Variants in MEF2C observed in about 807,000 individuals in gnomAD.
The protein encoded by MEF2C is myocyte enhancer factor 2C.
Under a neutral mutation model 50.5 loss-of-function variants are expected in MEF2C, and 6 were observed. That is an observed-to-expected ratio of 0.12 (90% confidence interval 0.07 to 0.23). The LOEUF (loss-of-function observed/expected upper bound fraction) is 0.23. Among genes scored for constraint, MEF2C ranks in the 10% least tolerant of loss-of-function variants. The probability of loss-of-function intolerance (pLI) is 1.00; values close to 1 mark genes in which losing one functional copy is unlikely to be tolerated. For missense variants in MEF2C, 276 were observed against 605.0 expected (o/e 0.46, Z 5.70); for synonymous variants, 183 against 228.0 (o/e 0.80, Z 1.78).
intron 1 of MEF2C, among the ~76,000 whole-genome samples, chr5:88,854,120 A>G (rs995221606): frequency 2.6e-5 from 4 of 152,216 alleles, no homozygotes. Flanking sequence ...TTGCAGCTAT[A>G]TAAGAACCAT....
intron 1 of MEF2C, among the ~76,000 whole-genome samples, chr5:88,897,567 C>G (rs187168329): frequency 6.6e-6 from 1 of 152,248 alleles, no homozygotes; most frequent in Admixed American, 6.5e-5. Context: ...ACATTTCAAG[C>G]TGTATTATTT....
intron 6 of MEF2C, among the ~76,000 whole-genome samples, chr5:88,747,833 G>A (rs1438075775): frequency 6.6e-6 from 1 of 152,076 alleles, no homozygotes; most frequent in East Asian, 1.9e-4. Context: ...CATAGTGTTT[G>A]GTAGAGACTT....
chr5:88,863,754 G>T (rs1826288104), intron 1 of MEF2C, among the ~76,000 whole-genome samples: 1 of 151,900 alleles, frequency 6.6e-6, no homozygotes, highest in South Asian at 2.1e-4. Flanking sequence ...GTCTCTCTGT[G>T]CCTGACTTAT....
chr5:88,771,770 G>A (rs930668459), intron 3 of MEF2C: 10 of 214,084 alleles, frequency 4.7e-5, no homozygotes, highest in African/African-American at 2.1e-4. Flanking sequence ...GTTTTAATAA[G>A]ATTATTACCT....
intron 1 of MEF2C, among the ~76,000 whole-genome samples, chr5:88,826,680 A>G (rs928820158): frequency 6.6e-6 from 1 of 152,034 alleles, no homozygotes; most frequent in Non-Finnish European, 1.5e-5. Flanking sequence ...AGGCGAAGAA[A>G]GAGATTATTT....
intron 6 of MEF2C, chr5:88,743,940 T>C (rs1768096957): frequency 1.1e-6 from 1 of 916,678 alleles, no homozygotes; most frequent in Non-Finnish European, 1.3e-6. Flanking sequence ...TACATAAATC[T>C]CCTTTGCCTT....
At chr5:88,837,847 G>T (rs985209313) in intron 1 of MEF2C, among the ~76,000 whole-genome samples, 2 of 152,150 alleles carry the variant, frequency 1.3e-5, no homozygotes, top group Non-Finnish European at 2.9e-5. Context: ...ATCACATTTA[G>T]AAGTTTAATA....
intron 3 of MEF2C, among the ~76,000 whole-genome samples, chr5:88,764,557 C>G (rs981057229): frequency 1.5e-5 from 2 of 137,512 alleles, no homozygotes; most frequent in Admixed American, 1.5e-4. Flanking sequence ...CGCCTGTAAT[C>G]CCAGCACTTT....
intron 3 of MEF2C, among the ~76,000 whole-genome samples, chr5:88,778,550 T>A (rs1786076854): frequency 6.6e-6 from 1 of 152,160 alleles, no homozygotes; most frequent in African/African-American, 2.4e-5. Context: ...GAGAAACTAT[T>A]GTTTCTCCCT....
Position 88,823,902 on chromosome 5 carries a change from C to T in MEF2C, c.-114G>A. On this transcript the variant is annotated 5_prime_UTR_variant, in exon 2 of 11. An upstream open reading frame in the 5' UTR loses its in-frame stop. Transcript: ENST00000504921. The stretch of plus-strand genomic sequence containing the variant: ...CTCCTTCTTCAGCACTTGCACAGCT[C>T]AGTTCCCAAATTCCTGCATTCGTTC... 3 of 1,501,002 alleles carry T rather than the reference C, an allele frequency of 2.0e-6. No homozygotes were observed. Among genetic ancestry groups the T allele is most frequent in the Non-Finnish European group, 2.7e-6 (3 of 1,125,566 alleles). 93.0% of individuals were successfully genotyped at this position (1,501,002 alleles called of 1,614,324 possible). A position where few individuals can be genotyped will look rare whatever the true frequency, so the allele number is the denominator to read the frequency against.
chr5:88,774,334 C>T (rs1199400364), intron 3 of MEF2C, among the ~76,000 whole-genome samples: 3 of 112,952 alleles, frequency 2.7e-5, no homozygotes, highest in Admixed American at 8.3e-5. Context: ...AAGTTTCTAC[C>T]TCTTTTTTTT....
chr5:88,754,984 T>G (rs1774624137), intron 4 of MEF2C, among the ~76,000 whole-genome samples: 1 of 152,166 alleles, frequency 6.6e-6, no homozygotes, highest in Admixed American at 6.5e-5. Flanking sequence ...GGCCTTCTCT[T>G]GGAAGCCCAC....
intron 2 of MEF2C, among the ~76,000 whole-genome samples, chr5:88,818,293 C>G (rs1051010204): frequency 1.9e-4 from 29 of 151,626 alleles, no homozygotes; most frequent in African/African-American, 6.3e-4. Flanking sequence ...TCATAAAAAC[C>G]AGTTTGTTGT....
At chr5:88,814,494 A>G (rs1433961027) in intron 2 of MEF2C, among the ~76,000 whole-genome samples, 1 of 152,042 alleles carries the variant, frequency 6.6e-6, no homozygotes, top group East Asian at 1.9e-4. Context: ...CGCAAAGGGG[A>G]CTATTGTCCT....
At chr5:88,751,731 G>T in intron 5 of MEF2C, 126 bp downstream of exon 5, 1 of 1,164,414 alleles carries the variant, frequency 8.6e-7, no homozygotes, top group East Asian at 2.5e-5. Context: ...CTCGGGGGTG[G>T]ATGGTAAGCC....
At chr5:88,791,496 G>A (rs571752482) in intron 3 of MEF2C, among the ~76,000 whole-genome samples, 50 of 152,042 alleles carry the variant, frequency 3.3e-4, no homozygotes, top group Non-Finnish European at 6.3e-4. Context: ...CAAACTATTA[G>A]AGCTGTGTAA....
At chr5:88,825,761 G>T in intron 1 of MEF2C, 1 of 321,304 alleles carries the variant, frequency 3.1e-6, no homozygotes, top group Non-Finnish European at 4.5e-6. Flanking sequence ...TCCCATGCAC[G>T]TTTAAGACCC....
intron 1 of MEF2C, among the ~76,000 whole-genome samples, chr5:88,890,725 A>G (rs550745172): frequency 3.5e-4 from 54 of 152,306 alleles, no homozygotes; most frequent in Admixed American, 2.1e-3. Flanking sequence ...ACACTCTTGG[A>G]GTTTCTGTTA....
At chr5:88,739,896 T>C in intron 6 of MEF2C, 1 of 985,338 alleles carries the variant, frequency 1.0e-6, no homozygotes, top group Non-Finnish European at 1.2e-6. Context: ...TGCTAAAGAC[T>C]CCTAATTAGG....
Sources: gnomAD v4.1 joint callset for allele counts (sites outside exome capture counted in the v4.1 genomes callset) on GRCh38, gnomAD v4.1.1 for gene constraint, MANE v1.5 for transcripts, NCBI Gene and HGNC (gene_info 2026-07-23, HGNC 2026-07-21) for gene names.